Variants in MSRA observed in about 807,000 individuals in gnomAD.
The protein encoded by MSRA is methionine sulfoxide reductase A.
In MSRA, 54 loss-of-function variants were observed where a neutral mutation model predicts 31.3. The ratio of observed to expected loss-of-function variants is 1.73; its 90% CI spans 1.39 to 2.17. MSRA has a LOEUF of 2.17. MSRA is among the 30% of genes most tolerant of loss of function. The pLI is 0.00. For missense variants in MSRA, 507 were observed against 300.9 expected, an observed-to-expected ratio of 1.69 and a Z score of -5.07; for synonymous variants, 169 against 116.5, an observed-to-expected ratio of 1.45 and a Z score of -2.90.
intron 1 of MSRA, among the ~76,000 whole-genome samples, chr8:10,079,129 A>G (rs1014514361): frequency 4.6e-5 from 7 of 152,082 alleles, no homozygotes; most frequent in Non-Finnish European, 1.0e-4. Context: ...ACCAGGTGAG[A>G]GATAGCACCT....
At chr8:10,107,554 A>G (rs952320536) in intron 1 of MSRA, among the ~76,000 whole-genome samples, 10 of 152,176 alleles carry the variant, frequency 6.6e-5, no homozygotes, top group African/African-American at 2.4e-4. Flanking sequence ...TTTCAATAAC[A>G]GATCAGTGTA....
chr8:10,337,783 G>A (rs1230697134), intron 5 of MSRA: 1 of 702,504 alleles, frequency 1.4e-6, no homozygotes, highest in African/African-American at 1.7e-5. Context: ...CCTGGGTGCA[G>A]CCATCTTCAA....
chr8:10,340,791 T>C (rs981528984), intron 5 of MSRA, among the ~76,000 whole-genome samples: 4 of 152,260 alleles, frequency 2.6e-5, no homozygotes, highest in Non-Finnish European at 4.4e-5. Flanking sequence ...AAGCAACCTA[T>C]ATACAAACTT....
chr8:10,417,766 G>GTGTGTGTGTGTGTGTC (rs1458592598), intron 5 of MSRA, among the ~76,000 whole-genome samples: 1 of 150,834 alleles, frequency 6.6e-6, no homozygotes, highest in Non-Finnish European at 1.5e-5. Flanking sequence ...GTGTGTGTGT[G>GTGTGTGTGTGTGTGTC]TGTGTGTGTG....
At chr8:10,232,538 C>A (rs146862273) in intron 2 of MSRA, among the ~76,000 whole-genome samples, 5 of 152,310 alleles carry the variant, frequency 3.3e-5, no homozygotes, top group African/African-American at 1.2e-4. Context: ...TAGAGAATCA[C>A]ATTTGAACAA....
At chr8:10,184,000 AC>A (rs56164721) in intron 1 of MSRA, among the ~76,000 whole-genome samples, 149,425 of 149,482 alleles carry the variant, frequency 1, 74,684 homozygotes, top group Middle Eastern at 1. Flanking sequence ...TTTCTTGGCT[AC>A]TAGGTGGTGG....
chr8:10,254,410 A>G (rs1798071485), intron 3 of MSRA, among the ~76,000 whole-genome samples: 1 of 152,158 alleles, frequency 6.6e-6, no homozygotes, highest in Non-Finnish European at 1.5e-5. Context: ...TATTGTTATA[A>G]GGCTTAAAAG....
intron 2 of MSRA, among the ~76,000 whole-genome samples, chr8:10,219,972 C>T (rs1001803908): frequency 2.0e-5 from 3 of 151,418 alleles, no homozygotes; most frequent in Admixed American, 6.6e-5. Flanking sequence ...CCACTGAAAG[C>T]CTAAGAAGTG....
intron 2 of MSRA, among the ~76,000 whole-genome samples, chr8:10,225,421 G>A (rs1439771384): frequency 6.6e-6 from 1 of 152,190 alleles, no homozygotes; most frequent in East Asian, 1.9e-4. Flanking sequence ...CCTGGTCTTG[G>A]ATTACTTGGG....
Position 10,313,088 on chromosome 8 carries a change from A to C in MSRA, c.437-6795A>C, listed in dbSNP as rs967667155. ...TACCTATTTATCTTTCCCCAGCCGGACACCATTCCTCTTCTCCCTTGAAGT... is the reference window on the plus strand; with the variant it reads ...TACCTATTTATCTTTCCCCAGCCGGCCACCATTCCTCTTCTCCCTTGAAGT... On this transcript the variant is annotated intron_variant, in intron 4 of 5. Coordinates refer to ENST00000317173, the MANE Select transcript of MSRA (RefSeq NM_012331.5). Among the ~76,000 whole-genome samples, 3 of 152,210 alleles carry C rather than the reference A, an allele frequency of 2.0e-5. 1 individual carries two copies. The South Asian group carries it at 6.2e-4, about 32-fold the overall frequency.
chr8:10,182,662 G>A (rs1048970899), intron 1 of MSRA, among the ~76,000 whole-genome samples: 10 of 152,170 alleles, frequency 6.6e-5, no homozygotes, highest in Non-Finnish European at 1.3e-4. Flanking sequence ...TCACATCATG[G>A]AGAATGGGGG....
At chr8:10,347,993 G>A (rs919822621) in intron 5 of MSRA, among the ~76,000 whole-genome samples, 3 of 152,188 alleles carry the variant, frequency 2.0e-5, no homozygotes, top group African/African-American at 7.2e-5. Context: ...GCTGGTCTTT[G>A]CCATTTATAG....
chr8:10,269,497 C>G (rs377435634), intron 3 of MSRA, among the ~76,000 whole-genome samples: 3 of 152,190 alleles, frequency 2.0e-5, no homozygotes, highest in African/African-American at 7.2e-5. Context: ...CTGCACCAGG[C>G]ATAGGTTTGT....
intron 1 of MSRA, among the ~76,000 whole-genome samples, chr8:10,174,553 A>G (rs1805871879): frequency 6.6e-6 from 1 of 151,908 alleles, no homozygotes. Flanking sequence ...CTCAGGCCCC[A>G]GCCTGCAGTC....
intron 5 of MSRA, among the ~76,000 whole-genome samples, chr8:10,420,076 G>A (rs1246655129): frequency 1.3e-5 from 2 of 152,174 alleles, no homozygotes; most frequent in East Asian, 3.9e-4. Context: ...AATATGGCAT[G>A]TACGTAGAGT....
intron 1 of MSRA, among the ~76,000 whole-genome samples, chr8:10,175,818 G>T (rs955361779): frequency 1.3e-5 from 2 of 152,170 alleles, no homozygotes; most frequent in Admixed American, 1.3e-4. Context: ...CCTTTTGTGT[G>T]GGTAGCCACA....
At chr8:10,403,251 G>A (rs1807575791) in intron 5 of MSRA, among the ~76,000 whole-genome samples, 1 of 152,224 alleles carries the variant, frequency 6.6e-6, no homozygotes, top group African/African-American at 2.4e-5. Flanking sequence ...GGTGGCAGAT[G>A]GGAAGGCTTC....
chr8:10,372,249 A>C (rs1158170731), intron 5 of MSRA, among the ~76,000 whole-genome samples: 4 of 152,176 alleles, frequency 2.6e-5, no homozygotes, highest in African/African-American at 4.8e-5. Flanking sequence ...TAGGAGCCAG[A>C]GGGGTCCAAT....
intron 1 of MSRA, among the ~76,000 whole-genome samples, chr8:10,199,316 TTTTG>T (rs1289449560): frequency 3.3e-5 from 5 of 152,176 alleles, no homozygotes; most frequent in East Asian, 1.9e-4. Context: ...AGGCTGGGTT[TTTTG>T]TTTGTTTGTT....
Sources: gnomAD v4.1 joint callset for allele counts (sites outside exome capture counted in the v4.1 genomes callset) on GRCh38, gnomAD v4.1.1 for gene constraint, MANE v1.5 for transcripts, NCBI Gene and HGNC (gene_info 2026-07-23, HGNC 2026-07-21) for gene names.